The following CEP72 variants were observed in gnomAD, a reference collection of about 807,000 sequenced individuals.
CEP72 encodes centrosomal protein 72, also known as centrosomal protein of 72 kDa.
In CEP72, 78 loss-of-function variants were observed where a neutral mutation model predicts 65.7. The ratio of observed to expected loss-of-function variants is 1.19; its 90% CI spans 0.99 to 1.43. CEP72 has a LOEUF of 1.43. Ranked by LOEUF, CEP72 falls within the 40% of genes most tolerant of loss-of-function variation. The probability of loss-of-function intolerance (pLI) is 0.00; values close to 1 mark genes in which losing one functional copy is unlikely to be tolerated. For missense variants in CEP72, 914 were observed against 832.9 expected (o/e 1.10, Z -1.20); for synonymous variants, 358 against 351.7 (o/e 1.02, Z -0.20).
downstream of CEP72, chr5:661,592 C>T (rs779505677): frequency 1.3e-5 from 2 of 152,424 alleles, no homozygotes; most frequent in African/African-American, 2.4e-5. Context: ...CAGAAGAGAA[C>T]ACACACCTGC....
chr5:642,968 C>G (rs1738157071), intron 9 of CEP72: 2 of 985,360 alleles, frequency 2.0e-6, no homozygotes, highest in African/African-American at 3.5e-5. Context: ...AGCTGCTGTG[C>G]CTGGCACGGC....
At chr5:615,435 G>A (rs1248039140) in intron 1 of CEP72, among the ~76,000 whole-genome samples, 1 of 152,078 alleles carries the variant, frequency 6.6e-6, no homozygotes, top group Non-Finnish European at 1.5e-5. Context: ...CCTGGGCCTT[G>A]TTCCTCTTTT....
intron 3 of CEP72, among the ~76,000 whole-genome samples, chr5:621,262 A>T (rs910031621): frequency 6.6e-6 from 1 of 152,208 alleles, no homozygotes; most frequent in Non-Finnish European, 1.5e-5. Flanking sequence ...TCAAAAACAA[A>T]AGAATCACAG....
In CEP72 at chr5:653,219, A is replaced by C; in HGVS notation, c.*66A>C. 1 of 1,432,424 alleles carries C rather than the reference A, an allele frequency of 7.0e-7. No individual in the cohort carries two copies. The highest frequency in any genetic ancestry group is 1.4e-5 in the South Asian group (1 of 70,026). 88.7% of individuals were successfully genotyped at this position (1,432,424 alleles called of 1,614,324 possible). On this transcript the variant is annotated 3_prime_UTR_variant, in exon 12 of 12. Transcript: ENST00000264935. ...AAAGTTACATTGTCTGCACCTTTGT[A>C]CTTCTTTATTGAGTGTACTGGCTGG...
At chr5:621,239 AC>A (rs1693516477) in intron 3 of CEP72, among the ~76,000 whole-genome samples, 1 of 152,160 alleles carries the variant, frequency 6.6e-6, no homozygotes, top group Non-Finnish European at 1.5e-5. Context: ...CTCCTTCTGA[AC>A]CTAGGACCTT....
At chr5:626,842 T>C (rs1331844740) in intron 4 of CEP72, among the ~76,000 whole-genome samples, 5 of 152,124 alleles carry the variant, frequency 3.3e-5, no homozygotes. Flanking sequence ...GAAGTAAGTA[T>C]TGAGCCAGCC....
At chr5:639,270 G>C (rs141091261) in intron 8 of CEP72, 46 bp downstream of exon 8, 4 of 1,521,136 alleles carry the variant, frequency 2.6e-6, no homozygotes, top group East Asian at 4.6e-5. Flanking sequence ...CAGCGTCTGT[G>C]TGGGTTCCGG....
the CEP72 span, among the ~76,000 whole-genome samples, chr5:675,347 G>A: frequency 3.3e-4 from 28 of 84,774 alleles, no homozygotes; most frequent in Non-Finnish European, 5.5e-4. Flanking sequence ...GGCTGGGGGT[G>A]CAGTGTGGGG....
rs947244415 is a variant in CEP72, at chr5:623,260, A to G, written c.404-1211A>G. On this transcript the variant is annotated intron_variant, in intron 3 of 11. Coordinates refer to ENST00000264935, the MANE Select transcript of CEP72 (RefSeq NM_018140.4). The surrounding 1 kb of genome is among the most constrained non-coding windows in gnomAD (Gnocchi z 5.3). ...CCCGCATGTGAGAGATGCTTCCTGCAGTGGCGCTGGCAGTCAGAGGCGCTG... is the reference window on the plus strand; with the variant it reads ...CCCGCATGTGAGAGATGCTTCCTGCGGTGGCGCTGGCAGTCAGAGGCGCTG... 2.6e-5 allele frequency among the ~76,000 whole-genome samples: 4 copies of G among 152,248 alleles called. No homozygotes were observed. The highest frequency in any genetic ancestry group is 5.9e-5 in the Non-Finnish European group (4 of 68,044).
chr5:644,786 G>A (rs903742847), intron 10 of CEP72, among the ~76,000 whole-genome samples: 1 of 152,290 alleles, frequency 6.6e-6, no homozygotes, highest in Non-Finnish European at 1.5e-5. Flanking sequence ...TGCTGCCATC[G>A]AATTTGGTGA....
downstream of CEP72, chr5:660,197 T>G (rs1054696311): frequency 2.3e-5 from 3 of 129,458 alleles, no homozygotes; most frequent in African/African-American, 6.4e-5. Flanking sequence ...TGTAAAAATA[T>G]ATTGCACATA....
chr5:643,677 G>T, intron 9 of CEP72: 1 of 985,148 alleles, frequency 1.0e-6, no homozygotes, highest in Non-Finnish European at 1.2e-6. Flanking sequence ...CAGGTGAGAC[G>T]GGATCCCTGG....
chr5:666,363 T>C (rs1739913852), intron 4 of CEP72, among the ~76,000 whole-genome samples: 1 of 152,218 alleles, frequency 6.6e-6, no homozygotes, highest in African/African-American at 2.4e-5. Flanking sequence ...ACAGGGTGTG[T>C]GCGGGTCTGC....
At chr5:650,070 T>C (rs62650525) in intron 11 of CEP72, among the ~76,000 whole-genome samples, 37 of 4,234 alleles carry the variant, frequency 8.7e-3, no homozygotes, top group South Asian at 0.022. Flanking sequence ...GACTGTGAGG[T>C]GTGACTGTGA....
Position 647,883 on chromosome 5 carries a change from A to G in CEP72, c.1745A>G (p.Gln582Arg). ...CACCTGGAGCACTACGACAAGATCCAGGAGCTCACGCAGATGCTGCAGGAG... is the reference window on the plus strand; with the variant it reads ...CACCTGGAGCACTACGACAAGATCCGGGAGCTCACGCAGATGCTGCAGGAG... The part of the protein sequence containing the change: ...KQHLEHYDKI[Q>R]ELTQMLQESH... The change falls in exon 11 of 12, where the codon CAG (glutamine) becomes CGG (arginine). Residue 582 changes from glutamine to arginine, a missense_variant. Gln to Arg is a conservative substitution (Grantham distance 43). Transcript: ENST00000264935. The G allele has an allele frequency of 6.2e-7, 1 of 1,612,570 alleles. No individual in the cohort carries two copies. The highest frequency in any genetic ancestry group is 8.5e-7 in the Non-Finnish European group (1 of 1,179,888).
rs2126747520 is a variant in CEP72, at chr5:624,034, T to C, written c.404-437T>C. On this transcript the variant is annotated intron_variant, in intron 3 of 11. Transcript: ENST00000264935. This position sits in a 1 kb window ranked among gnomAD's most constrained non-coding sequence, Gnocchi z 4.7. ...CAGGAGTTCTTGGGTGGGAGCCTGGTGGCCCCAGGTACGCACGTCCCTGAG... is the reference window on the plus strand; with the variant it reads ...CAGGAGTTCTTGGGTGGGAGCCTGGCGGCCCCAGGTACGCACGTCCCTGAG... Among the ~76,000 whole-genome samples, 1 of 152,206 alleles carries C rather than the reference T, an allele frequency of 6.6e-6. No individual in the cohort carries two copies. The highest frequency in any genetic ancestry group is 2.4e-5 in the African/African-American group (1 of 41,536).
intron 8 of CEP72, 137 bp downstream of exon 8, chr5:639,361 G>T: frequency 1.0e-6 from 1 of 989,022 alleles, no homozygotes; most frequent in East Asian, 2.7e-5. Context: ...TGGTGGTCCC[G>T]CGCCTGGGCC....
chr5:624,581 T>A lies in CEP72; in HGVS notation c.512+2T>A. 6.2e-7 allele frequency: 1 copy of A among 1,600,828 alleles called. No homozygotes were observed. The highest frequency in any genetic ancestry group is 1.1e-5 in the South Asian group (1 of 90,828). On this transcript the variant is annotated splice_donor_variant, in intron 4 of 11. Coordinates refer to ENST00000264935, the MANE Select transcript of CEP72 (RefSeq NM_018140.4). LOFTEE classifies it high-confidence loss of function. This position sits in a 1 kb window ranked among gnomAD's most constrained non-coding sequence, Gnocchi z 4.7. ...CCCAGCTTCTTTGAAAGAGGGCAGG[T>A]ATGAACGGAAGTGCTACGGACACCC...
chr5:635,302 A>G, intron 5 of CEP72, 70 bp from the exon 6 acceptor site: 1 of 1,242,416 alleles, frequency 8.0e-7, no homozygotes, highest in Non-Finnish European at 1.1e-6. Context: ...AGAAGCTTAA[A>G]ATGTAATTTT....
Sources: gnomAD v4.1 joint callset for allele counts (sites outside exome capture counted in the v4.1 genomes callset) on GRCh38, gnomAD v4.1.1 for gene constraint, Gnocchi (gnomAD v3.1) non-coding constraint, MANE v1.5 for transcripts, NCBI Gene and HGNC (gene_info 2026-07-23, HGNC 2026-07-21) for gene names.